Variants in WDR25 observed in about 807,000 individuals in gnomAD.
The protein encoded by WDR25 is WD repeat-containing protein 25.
A neutral mutation model predicts 47.7 loss-of-function variants in WDR25; 35 were observed. That is an observed-to-expected ratio of 0.73 (90% confidence interval 0.56 to 0.97). The LOEUF is 0.97. WDR25 is among the 50% of genes least tolerant of loss of function. The probability of loss-of-function intolerance (pLI) is 0.00; values close to 1 mark genes in which losing one functional copy is unlikely to be tolerated. For missense variants in WDR25, 634 were observed against 704.7 expected (o/e 0.90, Z 1.14); for synonymous variants, 248 against 278.9 (o/e 0.89, Z 1.10).
At chr14:100,442,104 C>G (rs1201198062) in intron 2 of WDR25, among the ~76,000 whole-genome samples, 2 of 152,160 alleles carry the variant, frequency 1.3e-5, no homozygotes, top group Admixed American at 1.3e-4. Context: ...GTGGCCAGAG[C>G]CATGCTTGAG....
rs141386003 is a variant in WDR25 at position 100,447,761 on chromosome 14, C to T, written c.823-20260C>T. Among the ~76,000 whole-genome samples, 14 of 152,316 alleles carry T rather than the reference C, an allele frequency of 9.2e-5. No homozygotes were observed. In the East Asian group the frequency reaches 2.7e-3, roughly 29 times the overall value. ...TTTCCCAGACTTAAGCAATTTACTC[C>T]TTCCCACCGTGCTGAATCAGGCTGT... On this transcript the variant is annotated intron_variant, in intron 2 of 6. Transcript: ENST00000402312.
chr14:100,427,365 T>G (rs1233620256), intron 2 of WDR25, among the ~76,000 whole-genome samples: 2 of 152,154 alleles, frequency 1.3e-5, no homozygotes, highest in African/African-American at 4.8e-5. Flanking sequence ...CCGCTCCAAA[T>G]GTATCCCGTT....
chr14:100,452,132 T>C (rs1381813986), intron 2 of WDR25, among the ~76,000 whole-genome samples: 2 of 152,166 alleles, frequency 1.3e-5, no homozygotes, highest in African/African-American at 2.4e-5. Flanking sequence ...CATCCCTCCA[T>C]GCCATTCATT....
intron 2 of WDR25, among the ~76,000 whole-genome samples, chr14:100,409,724 A>C (rs1281038279): frequency 2.6e-5 from 4 of 152,244 alleles, no homozygotes; most frequent in African/African-American, 4.8e-5. Context: ...GCAAACCTGC[A>C]CTTGGCCCTG....
chr14:100,402,379 C>A (rs972982609), intron 2 of WDR25, among the ~76,000 whole-genome samples: 3 of 150,504 alleles, frequency 2.0e-5, no homozygotes, highest in Admixed American at 1.3e-4. Context: ...AAAAAAAAAA[C>A]AAAACCAAAA....
chr14:100,454,659 C>T (rs1303959477), intron 2 of WDR25: 1 of 381,170 alleles, frequency 2.6e-6, no homozygotes, highest in Non-Finnish European at 5.1e-6. Context: ...TTTGTTTTGC[C>T]TAAGCATAGG....
At chr14:100,522,463 A>T (rs949747761) in intron 4 of WDR25, among the ~76,000 whole-genome samples, 19 of 152,204 alleles carry the variant, frequency 1.2e-4, no homozygotes, top group African/African-American at 4.1e-4. Context: ...CTTTAAACCA[A>T]AGCAGTGGGT....
At position 100,525,758 on chromosome 14, in the gene WDR25, C is replaced by A; in HGVS notation, c.1102-112C>A. ...TGCTGCTCAGCCTGGGTGTGTGTGGCCCAGCATAAACTTCACTAAACCTGC... is the reference window on the plus strand; with the variant it reads ...TGCTGCTCAGCCTGGGTGTGTGTGGACCAGCATAAACTTCACTAAACCTGC... On this transcript the variant is annotated intron_variant, in intron 4 of 6. Coordinates refer to ENST00000402312, the MANE Select transcript of WDR25 (RefSeq NM_001161476.3). This position sits in a 1 kb window ranked among gnomAD's most constrained non-coding sequence, Gnocchi z 4.6. 2.4e-6 allele frequency: 3 copies of A among 1,270,038 alleles called. No individual in the cohort carries two copies. The highest frequency in any genetic ancestry group is 3.2e-6 in the Non-Finnish European group (3 of 927,812). 78.7% of individuals were successfully genotyped at this position (1,270,038 alleles called of 1,614,324 possible).
At chr14:100,383,968 G>A (rs962060740) in intron 2 of WDR25, among the ~76,000 whole-genome samples, 21 of 152,230 alleles carry the variant, frequency 1.4e-4, no homozygotes, top group Non-Finnish European at 1.0e-4. Flanking sequence ...ACCTGGGTCC[G>A]GGTCTGTGGG....
At chr14:100,379,987 C>T (rs191528634) in intron 1 of WDR25, among the ~76,000 whole-genome samples, 9 of 147,450 alleles carry the variant, frequency 6.1e-5, no homozygotes, top group South Asian at 2.2e-4. Flanking sequence ...TGATTCCCCC[C>T]GCCTTGGCCT....
intron 2 of WDR25, among the ~76,000 whole-genome samples, chr14:100,402,197 A>G (rs1191886825): frequency 6.6e-6 from 1 of 152,148 alleles, no homozygotes; most frequent in African/African-American, 2.4e-5. Flanking sequence ...TTTCTTCCCA[A>G]GTGTCCTCTG....
chr14:100,473,017 G>A (rs546777659), intron 3 of WDR25, among the ~76,000 whole-genome samples: 9 of 152,210 alleles, frequency 5.9e-5, no homozygotes, highest in Admixed American at 2.0e-4. Flanking sequence ...ACTGGGACTG[G>A]GCTCATAAAT....
At chr14:100,465,578 A>G (rs1899602409) in intron 2 of WDR25, among the ~76,000 whole-genome samples, 1 of 152,216 alleles carries the variant, frequency 6.6e-6, no homozygotes, top group Admixed American at 6.5e-5. Context: ...CACTGTATGG[A>G]TAGAACACAT....
intron 3 of WDR25, among the ~76,000 whole-genome samples, chr14:100,469,709 C>G (rs34424476): frequency 6.6e-6 from 1 of 152,204 alleles, no homozygotes; most frequent in Admixed American, 6.5e-5. Flanking sequence ...TACTACTGAG[C>G]ACTGTGTGCT....
At chr14:100,459,109 C>T (rs1899294674) in intron 2 of WDR25, among the ~76,000 whole-genome samples, 1 of 151,900 alleles carries the variant, frequency 6.6e-6, no homozygotes, top group African/African-American at 2.4e-5. Context: ...TCTTTGAGAC[C>T]AATGAAAGGT....
At chr14:100,436,499 G>A (rs895200993) in intron 2 of WDR25, among the ~76,000 whole-genome samples, 1 of 152,156 alleles carries the variant, frequency 6.6e-6, no homozygotes, top group African/African-American at 2.4e-5. Flanking sequence ...CTTAATGTTG[G>A]CTCCATGGAT....
At chr14:100,395,308 T>C (rs1897233354) in intron 2 of WDR25, among the ~76,000 whole-genome samples, 1 of 152,140 alleles carries the variant, frequency 6.6e-6, no homozygotes, top group Non-Finnish European at 1.5e-5. Context: ...AGTTTCCCCA[T>C]CGTAAGTCAA....
intron 4 of WDR25, among the ~76,000 whole-genome samples, chr14:100,521,383 C>CT (rs2029875945): frequency 6.6e-6 from 1 of 152,232 alleles, no homozygotes; most frequent in Non-Finnish European, 1.5e-5. Flanking sequence ...CTAACCCTGT[C>CT]TCCCCCATTC....
At chr14:100,510,748 A>C (rs1417673532) in intron 4 of WDR25, among the ~76,000 whole-genome samples, 1 of 150,208 alleles carries the variant, frequency 6.7e-6, no homozygotes, top group Non-Finnish European at 1.5e-5. Context: ...AATAATAATA[A>C]TAATAATAAT....
Sources: allele counts gnomAD v4.1 joint callset (sites outside exome capture counted in the v4.1 genomes callset), GRCh38; gene constraint gnomAD v4.1.1; non-coding constraint Gnocchi (gnomAD v3.1); transcripts MANE v1.5; gene names NCBI Gene and HGNC (gene_info 2026-07-23, HGNC 2026-07-21).